The following FAN1 variants were observed in gnomAD, a reference collection of about 807,000 sequenced individuals.
FAN1 encodes FANCD2 and FANCI associated nuclease 1, also known as fanconi-associated nuclease 1.
FAN1 carries 91 observed loss-of-function variants against 104.9 expected under a neutral mutation model. The ratio of observed to expected loss-of-function variants is 0.87; its 90% CI spans 0.73 to 1.03. The LOEUF is 1.03. FAN1 is among the 50% of genes least tolerant of loss of function. The pLI, the probability that FAN1 is intolerant of heterozygous loss-of-function variation, is 0.00. For missense variants in FAN1, 1,263 were observed against 1,239.9 expected (o/e 1.02, Z -0.28); for synonymous variants, 478 against 457.6 (o/e 1.04, Z -0.57).
intron 11 of FAN1, 143 bp from the exon 12 acceptor site, chr15:30,929,060 A>G: frequency 2.5e-6 from 2 of 797,554 alleles, no homozygotes; most frequent in African/African-American, 1.8e-5. Flanking sequence ...AATTGCTTTT[A>G]TATCAATTAA....
intron 2 of FAN1, among the ~76,000 whole-genome samples, chr15:30,906,132 A>C (rs2061973776): frequency 6.6e-6 from 1 of 152,238 alleles, no homozygotes; most frequent in Admixed American, 6.5e-5. Context: ...AACTTTGGTT[A>C]CATTGGAAGC....
chr15:30,921,749 C>T (rs2062335358), intron 7 of FAN1, among the ~76,000 whole-genome samples: 4 of 152,202 alleles, frequency 2.6e-5, no homozygotes, highest in Admixed American at 2.6e-4. Flanking sequence ...AATGACCGAA[C>T]AGTCTGTACA....
In FAN1 at chr15:30,910,625, C is replaced by G; in HGVS notation, c.1387C>G (p.Gln463Glu). The change falls in exon 4 of 15, where the codon CAA becomes GAA. Residue 463 changes from glutamine (Q) to glutamate (E), a missense_variant. Physicochemically the swap from Gln to Glu is conservative, Grantham distance 29 (BLOSUM62 2). Around this residue, in one of 2 missense-constraint regions of FAN1, gnomAD observed 682 missense variants for 571.1 expected, o/e 1.19. Coordinates refer to ENST00000362065, the MANE Select transcript of FAN1 (RefSeq NM_014967.5). ...AGFLQTESELQELSEVLELLS... is the reference protein window; with the variant it reads ...AGFLQTESELEELSEVLELLS... ...TTTAACCATTTCAGAATCTGAGTTG[C>G]AAGAACTCTCTGAAGTGCTTGAACT... 6.4e-7 allele frequency: 1 copy of G among 1,571,866 alleles called. No individual in the cohort carries two copies. The highest frequency in any genetic ancestry group is 8.6e-7 in the Non-Finnish European group (1 of 1,159,400).
intron 14 of FAN1, chr15:30,940,906 C>G: frequency 9.7e-7 from 1 of 1,029,458 alleles, no homozygotes; most frequent in Non-Finnish European, 1.2e-6. Flanking sequence ...AAGTTAAAAG[C>G]AAACTCATGA....
At chr15:30,937,356 G>C (rs1304385458) in intron 14 of FAN1, 97 bp downstream of exon 14, 14 of 1,175,524 alleles carry the variant, frequency 1.2e-5, no homozygotes, top group Non-Finnish European at 1.5e-5. Flanking sequence ...TTATAAACCT[G>C]ATAGTTTGAC....
chr15:30,917,299 T>C lies in FAN1; in HGVS notation c.1812-865T>C, dbSNP rs183100880. 5.9e-5 allele frequency among the ~76,000 whole-genome samples: 9 copies of C among 152,148 alleles called. No homozygotes were observed. In the East Asian group the frequency reaches 1.5e-3, roughly 26 times the overall value. ...CAGCCGTTTGGTTGAAGCTGTTGTG[T>C]GTGGCATTGGACTTGCGGTCAGGAG... On this transcript the variant is annotated intron_variant, in intron 5 of 14. Coordinates refer to ENST00000362065, the MANE Select transcript of FAN1 (RefSeq NM_014967.5).
rs2063095009 is a variant in FAN1, at chr15:30,942,710, TCAGA to T, written c.*1151_*1154del. 13 of 623,364 alleles carry T rather than the reference TCAGA, an allele frequency of 2.1e-5. No homozygotes were observed. Among genetic ancestry groups the T allele is most frequent in the Non-Finnish European group, 3.1e-5 (12 of 386,178 alleles). The allele number at this position is 623,364 out of a possible 1,614,324, so 38.6% of individuals were successfully genotyped here. A position where few individuals can be genotyped will look rare whatever the true frequency, so the allele number is the denominator to read the frequency against. ...CTCAGGTACTGAGACTTTGTGGGCCTCAGACACCAGGAAGAAAGCTGGGATACAG... is the reference window on the plus strand; with the variant it reads ...CTCAGGTACTGAGACTTTGTGGGCCTCACCAGGAAGAAAGCTGGGATACAG... On this transcript the variant is annotated 3_prime_UTR_variant, in exon 15 of 15. Transcript: ENST00000362065.
Position 30,942,559 on chromosome 15 carries a change from G to A in FAN1, c.*997G>A, listed in dbSNP as rs576467005. 8.7e-6 allele frequency: 3 copies of A among 345,880 alleles called. No individual in the cohort carries two copies. Among genetic ancestry groups the A allele is most frequent in the South Asian group, 7.7e-5 (1 of 12,916 alleles). 21.4% of individuals were successfully genotyped at this position (345,880 alleles called of 1,614,324 possible). On this transcript the variant is annotated 3_prime_UTR_variant, in exon 15 of 15. Coordinates refer to ENST00000362065, the MANE Select transcript of FAN1 (RefSeq NM_014967.5). ...ATTAGGACAAGAATATAGCAGTCAG[G>A]AGGCCATGACTACATCACAGCCAGG... is the stretch of plus-strand genomic sequence containing the variant.
At chr15:30,922,158 T>C in intron 7 of FAN1, 77 bp from the exon 8 acceptor site, 1 of 1,520,046 alleles carries the variant, frequency 6.6e-7, no homozygotes, top group Non-Finnish European at 8.9e-7. Flanking sequence ...GCTTTACCAA[T>C]CCTATGGGCT....
In FAN1 at chr15:30,941,364, T is replaced by C. The variant is rs2063046340; in HGVS notation, c.*4-202T>C. The C allele has an allele frequency of 5.2e-6, 8 of 1,538,552 alleles. No homozygotes were observed. In the East Asian group the frequency reaches 1.5e-4, roughly 28 times the overall value. On this transcript the variant is annotated intron_variant, in intron 14 of 14. Transcript: ENST00000362065. ...ATATTAGTGCAAATTCCAACTATTA[T>C]TCTTACATATAAAGTTATTAGAGAT...
At chr15:30,926,495 C>T (rs890039249) in intron 10 of FAN1, 8 of 327,232 alleles carry the variant, frequency 2.4e-5, no homozygotes, top group African/African-American at 1.6e-4. Flanking sequence ...CCCGAGTGTT[C>T]GGAAGATTAA....
chr15:30,925,748 C>A, intron 9 of FAN1, 41 bp from the exon 10 acceptor site: 1 of 1,608,546 alleles, frequency 6.2e-7, no homozygotes, highest in South Asian at 1.1e-5. Flanking sequence ...GGGACTTTTG[C>A]TGACCTGAGG....
Position 30,904,624 on chromosome 15 carries a change from TG to T in FAN1, c.-39del. The T allele has an allele frequency of 6.3e-7, 1 of 1,593,908 alleles. No individual in the cohort carries two copies. Among genetic ancestry groups the T allele is most frequent in the African/African-American group, 1.3e-5 (1 of 74,474 alleles). ...TTGCTATCTTTCACCTTAAATATCC[TG>T]TGTTTTATTGCTCAGAACATCCAGT... On this transcript the variant is annotated 5_prime_UTR_variant, in exon 2 of 15. An upstream open reading frame in the 5' UTR loses its in-frame stop. Transcript: ENST00000362065.
At chr15:30,919,069 A>T (rs2062254975) in intron 6 of FAN1, among the ~76,000 whole-genome samples, 1 of 152,220 alleles carries the variant, frequency 6.6e-6, no homozygotes, top group Non-Finnish European at 1.5e-5. Flanking sequence ...AGCTAGGGAA[A>T]AGAATATGTT....
intron 10 of FAN1, chr15:30,928,121 A>C: frequency 1.0e-6 from 1 of 1,003,618 alleles, no homozygotes; most frequent in Non-Finnish European, 1.2e-6. Context: ...CCCCTTAGGG[A>C]AGCATTTCTT....
Position 30,941,715 on chromosome 15 carries a change from G to C in FAN1, c.*153G>C. Reference sequence around the variant, plus strand: ...TCCAGGGGGCCACTGCGCTGTTGCCGCAGCATCCTGCTCAGTACGTCGACT... The same window carrying C: ...TCCAGGGGGCCACTGCGCTGTTGCCCCAGCATCCTGCTCAGTACGTCGACT... On this transcript the variant is annotated 3_prime_UTR_variant, in exon 15 of 15. Transcript: ENST00000362065. 6.2e-7 allele frequency: 1 copy of C among 1,613,842 alleles called. No homozygotes were observed. The highest frequency in any genetic ancestry group is 8.5e-7 in the Non-Finnish European group (1 of 1,179,832).
In FAN1 at chr15:30,904,798, C is replaced by T; in HGVS notation, c.135C>T (p.Pro45=). 7 of 1,613,660 alleles carry T rather than the reference C, an allele frequency of 4.3e-6. No individual in the cohort carries two copies. Among genetic ancestry groups the T allele is most frequent in the Non-Finnish European group, 5.9e-6 (7 of 1,179,612 alleles). The change falls in exon 2 of 15, where the codon CCC becomes CCT. Residue 45 remains proline, a synonymous_variant. Transcript: ENST00000362065. ...CACCACCTGCTAAACTTGCCTGCCC[C>T]GTTTGCAGTAAAATGGTGCCTAGAT... The part of the protein sequence containing the change: ...NNAPPAKLAC[P]VCSKMVPRYD...
At chr15:30,939,208 T>C (rs938360420) in intron 14 of FAN1, 7 of 985,434 alleles carry the variant, frequency 7.1e-6, no homozygotes, top group Non-Finnish European at 6.0e-6. Flanking sequence ...TAGTTAGCTA[T>C]TTTTGGTTTC....
At chr15:30,911,851 C>G (rs1483776965) in intron 4 of FAN1, 1 of 243,840 alleles carries the variant, frequency 4.1e-6, no homozygotes, top group Non-Finnish European at 6.6e-6. Flanking sequence ...ATCACAAGAT[C>G]AGGAGTTCGA....
Sources: gnomAD v4.1 joint callset for allele counts (sites outside exome capture counted in the v4.1 genomes callset) on GRCh38, gnomAD v4.1.1 for gene constraint, gnomAD v4.1.1 regional missense constraint, MANE v1.5 for transcripts, NCBI Gene and HGNC (gene_info 2026-07-23, HGNC 2026-07-21) for gene names.